The following TNFRSF8 variants were observed in gnomAD, a reference collection of about 807,000 sequenced individuals.
The protein encoded by TNFRSF8 is tumor necrosis factor receptor superfamily member 8.
A neutral mutation model predicts 70.8 loss-of-function variants in TNFRSF8; 26 were observed. That is an observed-to-expected ratio of 0.37 (90% CI 0.27 to 0.51). The LOEUF (loss-of-function observed/expected upper bound fraction) is 0.51. TNFRSF8 is among the 20% of genes least tolerant of loss of function. The pLI is 0.94. For synonymous variants in TNFRSF8, 356 were observed against 339.2 expected, an observed-to-expected ratio of 1.05 and a Z score of -0.54; for missense variants, 720 against 807.9, an observed-to-expected ratio of 0.89 and a Z score of 1.32.
chr1:12,083,429 C>A (rs1202290554), intron 1 of TNFRSF8, among the ~76,000 whole-genome samples: 2 of 152,220 alleles, frequency 1.3e-5, no homozygotes, highest in African/African-American at 2.4e-5. Flanking sequence ...TGGCTCATAC[C>A]TGTAATCCCA....
At chr1:12,122,989 T>C in intron 8 of TNFRSF8, among the ~76,000 whole-genome samples, 1 of 152,064 alleles carries the variant, frequency 6.6e-6, no homozygotes, top group East Asian at 1.9e-4. Context: ...CCATCACACC[T>C]GGCTAATTTT....
intron 2 of TNFRSF8, among the ~76,000 whole-genome samples, chr1:12,091,341 G>A (rs1045349060): frequency 6.6e-6 from 1 of 152,196 alleles, no homozygotes; most frequent in African/African-American, 2.4e-5. Context: ...TTACTGCTGT[G>A]GGCAACTGGG....
chr1:12,124,693 G>A (rs2449713), intron 10 of TNFRSF8, among the ~76,000 whole-genome samples: 24,549 of 151,872 alleles, frequency 0.16, 2,235 homozygotes, highest in African/African-American at 0.22. Flanking sequence ...GTGGTGGCGC[G>A]CGCCTGTAAT....
At chr1:12,133,528 T>C (rs938255508) in intron 12 of TNFRSF8, among the ~76,000 whole-genome samples, 1 of 144,758 alleles carries the variant, frequency 6.9e-6, no homozygotes, top group East Asian at 2.1e-4. Context: ...GATCACGAGG[T>C]CAAGAGATCG....
chr1:12,138,560 ATAGATTCTTCACCCCAATTGAAGT>A lies in TNFRSF8; in HGVS notation c.1543+126_1543+149del, dbSNP rs1642196355. 2.0e-6 allele frequency: 2 copies of A among 992,550 alleles called. No individual in the cohort carries two copies. The highest frequency in any genetic ancestry group is 2.9e-6 in the Non-Finnish European group (2 of 684,544). 61.5% of individuals were successfully genotyped at this position (992,550 alleles called of 1,614,324 possible). A position where few individuals can be genotyped will look rare whatever the true frequency, so the allele number is the denominator to read the frequency against. ...TTGAAAGGCCCAGGAAAGGAGAGGC[ATAGATTCTTCACCCCAATTGAAGT>A]TTCTGTAAGTAGGGACAGCGAGGGT... On this transcript the variant is annotated intron_variant, in intron 14 of 14. Coordinates refer to ENST00000263932, the MANE Select transcript of TNFRSF8 (RefSeq NM_001243.5). The surrounding 1 kb of genome is among the most constrained non-coding windows in gnomAD (Gnocchi z 5.7).
chr1:12,127,792 G>A (rs1017352574), intron 12 of TNFRSF8, among the ~76,000 whole-genome samples: 8 of 152,130 alleles, frequency 5.3e-5, no homozygotes, highest in African/African-American at 9.7e-5. Flanking sequence ...TTCCATTGCC[G>A]TCAGTTTATT....
intron 14 of TNFRSF8, among the ~76,000 whole-genome samples, chr1:12,140,353 C>T (rs1210058836): frequency 2.0e-5 from 3 of 152,212 alleles, no homozygotes; most frequent in Non-Finnish European, 4.4e-5. Flanking sequence ...ATCCAGTTCC[C>T]AAGAGGGGTC....
chr1:12,128,891 C>G (rs1015771708), intron 12 of TNFRSF8, among the ~76,000 whole-genome samples: 6 of 135,250 alleles, frequency 4.4e-5, no homozygotes, highest in Admixed American at 8.6e-5. Context: ...CTGGAGTGCA[C>G]TGGTGCCATC....
At chr1:12,086,022 T>C (rs1264779664) in intron 2 of TNFRSF8, among the ~76,000 whole-genome samples, 1 of 152,168 alleles carries the variant, frequency 6.6e-6, no homozygotes, top group Admixed American at 6.5e-5. Flanking sequence ...AGCAGGCCAT[T>C]GCAAGTGGGC....
chr1:12,074,042 A>T (rs549911215), intron 1 of TNFRSF8, among the ~76,000 whole-genome samples: 3 of 151,108 alleles, frequency 2.0e-5, no homozygotes, highest in Admixed American at 6.6e-5. Flanking sequence ...AATCTTCAGG[A>T]TCCCTGCAGT....
At chr1:12,123,173 A>T in intron 8 of TNFRSF8, 111 bp from the exon 9 acceptor site, 1 of 837,926 alleles carries the variant, frequency 1.2e-6, no homozygotes, top group Non-Finnish European at 1.9e-6. Flanking sequence ...TGACTGTCTT[A>T]GCTCCCACGG....
intron 12 of TNFRSF8, among the ~76,000 whole-genome samples, chr1:12,130,677 C>T (rs747154251): frequency 1.3e-5 from 2 of 152,200 alleles, no homozygotes; most frequent in Admixed American, 6.5e-5. Flanking sequence ...GCACGTGCTC[C>T]GTGAGCGTGG....
In TNFRSF8 at chr1:12,124,341, G is replaced by C. The variant is rs924021329; in HGVS notation, c.1153+514G>C. ...ACTATTCTTTAATTCTTGTAGGCAG[G>C]AATTTTTTTCACAGCTTCATCCTCG... On this transcript the variant is annotated intron_variant, in intron 10 of 14. Coordinates refer to ENST00000263932, the MANE Select transcript of TNFRSF8 (RefSeq NM_001243.5). Among the ~76,000 whole-genome samples, 6 of 152,116 alleles carry C rather than the reference G, an allele frequency of 3.9e-5. 1 individual carries two copies. Among genetic ancestry groups the C allele is most frequent in the Admixed American group, 2.0e-4 (3 of 15,254 alleles).
Position 12,112,001 on chromosome 1 carries a change from G to A in TNFRSF8, c.780G>A (p.Val260=). 1 of 1,614,104 alleles carries A rather than the reference G, an allele frequency of 6.2e-7. No individual in the cohort carries two copies. Among genetic ancestry groups the A allele is most frequent in the East Asian group, 2.2e-5 (1 of 44,886 alleles). ...LDEAGRCTAC[V]SCSRDDLVEK... ...AGGCCGGCCGCTGCACGGCCTGCGT[G>A]AGCTGTTCTCGAGGTAAGGGCCTCG... Residue 260 remains valine (V), a synonymous_variant, in exon 7 of 15, where the codon GTG becomes GTA. Coordinates refer to ENST00000263932, the MANE Select transcript of TNFRSF8 (RefSeq NM_001243.5). The surrounding 1 kb of genome is among the most constrained non-coding windows in gnomAD (Gnocchi z 5.3).
Position 12,138,112 on chromosome 1 carries a change from G to T in TNFRSF8, c.1336-117G>T. On this transcript the variant is annotated intron_variant, in intron 13 of 14. Coordinates refer to ENST00000263932, the MANE Select transcript of TNFRSF8 (RefSeq NM_001243.5). This position sits in a 1 kb window ranked among gnomAD's most constrained non-coding sequence, Gnocchi z 5.7. ...GGGGCAGCTCATGGCAGCTTTTAAA[G>T]CAGAAAGGGGGACTCACTGGGGTCT... The T allele has an allele frequency of 9.3e-7, 1 of 1,072,540 alleles. No individual in the cohort carries two copies. Among genetic ancestry groups the T allele is most frequent in the Non-Finnish European group, 1.3e-6 (1 of 756,068 alleles). The allele number at this position is 1,072,540 out of a possible 1,614,324, so 66.4% of individuals were successfully genotyped here.
chr1:12,070,025 G>A (rs1312142447), intron 1 of TNFRSF8, among the ~76,000 whole-genome samples: 2 of 152,192 alleles, frequency 1.3e-5, no homozygotes, highest in African/African-American at 2.4e-5. Flanking sequence ...AGTGGAGAGG[G>A]GTGGTTAGGA....
At chr1:12,124,963 G>A (rs1351075739) in intron 10 of TNFRSF8, among the ~76,000 whole-genome samples, 2 of 152,190 alleles carry the variant, frequency 1.3e-5, no homozygotes, top group Non-Finnish European at 2.9e-5. Flanking sequence ...CTGACACGAG[G>A]TGGCAGTAGT....
At position 12,142,623 on chromosome 1, in the gene TNFRSF8, C is replaced by T. The variant is rs897324343; in HGVS notation, c.*92C>T. 2 of 1,473,566 alleles carry T rather than the reference C, an allele frequency of 1.4e-6. No individual in the cohort carries two copies. The highest frequency in any genetic ancestry group is 2.8e-5 in the African/African-American group (2 of 71,514). The allele number at this position is 1,473,566 out of a possible 1,614,324, so 91.3% of individuals were successfully genotyped here. A position where few individuals can be genotyped will look rare whatever the true frequency, so the allele number is the denominator to read the frequency against. On this transcript the variant is annotated 3_prime_UTR_variant, in exon 15 of 15. Transcript: ENST00000263932. This position sits in a 1 kb window ranked among gnomAD's most constrained non-coding sequence, Gnocchi z 5.0. ...GGCACCGAGGTTGGGGGCAGAGGCC[C>T]ATCTGGCCTGAACTGAGGCTCCAGC...
In TNFRSF8 at chr1:12,096,622, A is replaced by G. The variant is rs138162856; in HGVS notation, c.152-479A>G. On this transcript the variant is annotated intron_variant, in intron 2 of 14. Coordinates refer to ENST00000263932, the MANE Select transcript of TNFRSF8 (RefSeq NM_001243.5). The stretch of plus-strand genomic sequence containing the variant: ...CTGCAGTGAGATAAGACCCCTGCAG[A>G]GAATGATGACAACCGGTGCTCATAT... Among the ~76,000 whole-genome samples the G allele has an allele frequency of 3.0e-3, 453 of 152,268 alleles. 6 individuals carry two copies. The highest frequency in any genetic ancestry group is 9.7e-3 in the African/African-American group (403 of 41,540).
Sources: allele counts gnomAD v4.1 joint callset (sites outside exome capture counted in the v4.1 genomes callset), GRCh38; gene constraint gnomAD v4.1.1; non-coding constraint Gnocchi (gnomAD v3.1); transcripts MANE v1.5; gene names NCBI Gene and HGNC (gene_info 2026-07-23, HGNC 2026-07-21).